NME8: variants seen among roughly 807,000 people sequenced by gnomAD.
NME8 encodes the protein NME/NM23 family member 8, also known as protein NME8.
Under a neutral mutation model 82.3 loss-of-function variants are expected in NME8, and 72 were observed. That is an observed-to-expected ratio of 0.87 (90% CI 0.72 to 1.06). NME8 has a LOEUF of 1.06. Ranked by LOEUF, NME8 falls within the 50% of genes least tolerant of loss-of-function variation. The pLI is 0.00. For synonymous variants in NME8, 267 were observed against 228.5 expected, an observed-to-expected ratio of 1.17 and a Z score of -1.52; for missense variants, 712 against 685.4, an observed-to-expected ratio of 1.04 and a Z score of -0.43.
At chr7:37,876,742 G>C (rs1201491389) in intron 11 of NME8, 90 bp from the exon 12 acceptor site, 1 of 927,784 alleles carries the variant, frequency 1.1e-6, no homozygotes. Context: ...TAAACTTCTA[G>C]TAATTTCTGA....
At chr7:37,888,576 T>G (rs1225428140) in intron 15 of NME8, 148 bp downstream of exon 15, 5 of 681,920 alleles carry the variant, frequency 7.3e-6, no homozygotes, top group Non-Finnish European at 1.3e-5. Flanking sequence ...TCATTTAGAT[T>G]CAACAATTAA....
chr7:37,851,769 C>A (rs554052231), intron 5 of NME8, among the ~76,000 whole-genome samples: 1 of 152,092 alleles, frequency 6.6e-6, no homozygotes, highest in East Asian at 1.9e-4. Context: ...ACTTAAGATA[C>A]AGGAGCAGAT....
chr7:37,892,516 TAC>T (rs898392104), intron 15 of NME8, among the ~76,000 whole-genome samples: 3 of 151,514 alleles, frequency 2.0e-5, no homozygotes, highest in African/African-American at 4.8e-5. Flanking sequence ...CACAGATATG[TAC>T]ACACACACAC....
At chr7:37,873,747 T>C (rs1370093383) in intron 11 of NME8, among the ~76,000 whole-genome samples, 1 of 152,228 alleles carries the variant, frequency 6.6e-6, no homozygotes, top group African/African-American at 2.4e-5. Flanking sequence ...ACACTACTTA[T>C]GAAAGGATAA....
intron 12 of NME8, among the ~76,000 whole-genome samples, chr7:37,877,515 CT>C (rs1037014794): frequency 6.6e-6 from 1 of 152,084 alleles, no homozygotes; most frequent in African/African-American, 2.4e-5. Context: ...ACTATTCATT[CT>C]TTTTTTATAT....
chr7:37,867,896 CA>C lies in NME8; in HGVS notation c.817del (p.Ser273ValfsTer11). ...CTGGAATGATGAAGAACAAACAAGA[CA>C]GGTATAGCTCAAGACCAGGAATTGT... is the stretch of plus-strand genomic sequence containing the variant. ...TPGMMKNKQD[S>X]LQEYLERQHL... On this transcript the variant is annotated frameshift_variant and splice_region_variant, in exon 11 of 18. Coordinates refer to ENST00000199447, the MANE Select transcript of NME8 (RefSeq NM_016616.5). LOFTEE classifies it high-confidence loss of function. The C allele has an allele frequency of 6.2e-7, 1 of 1,613,158 alleles. No homozygotes were observed. Among genetic ancestry groups the C allele is most frequent in the South Asian group, 1.1e-5 (1 of 91,038 alleles).
At chr7:37,875,811 G>A (rs1482532967) in intron 11 of NME8, among the ~76,000 whole-genome samples, 2 of 152,060 alleles carry the variant, frequency 1.3e-5, no homozygotes, top group South Asian at 2.1e-4. Context: ...AGTACCTAAG[G>A]AGGGAATTAC....
intron 11 of NME8, among the ~76,000 whole-genome samples, chr7:37,872,671 A>C (rs1390801607): frequency 6.6e-6 from 1 of 152,228 alleles, no homozygotes. Context: ...AAGTACACAC[A>C]AAAAATTAGA....
At chr7:37,882,622 A>G (rs1583640608) in intron 12 of NME8, among the ~76,000 whole-genome samples, 4 of 75,778 alleles carry the variant, frequency 5.3e-5, no homozygotes, top group African/African-American at 1.1e-4. Flanking sequence ...AGAGAAAGAA[A>G]GAAAGAAAGA....
intron 5 of NME8, among the ~76,000 whole-genome samples, chr7:37,851,435 T>G (rs1317466484): frequency 6.6e-6 from 1 of 152,196 alleles, no homozygotes; most frequent in African/African-American, 2.4e-5. Context: ...AATCTACTAC[T>G]TAACTGTAAA....
chr7:37,884,378 A>G lies in NME8; in HGVS notation c.1070A>G (p.Glu357Gly). 6.2e-7 allele frequency: 1 copy of G among 1,606,238 alleles called. No individual in the cohort carries two copies. The highest frequency in any genetic ancestry group is 1.1e-5 in the South Asian group (1 of 90,926). ...AGACAAGTAGTATTATCGGAAAAAGAAGCACAAGCACTGTGCAAGGAATAT... is the reference window on the plus strand; with the variant it reads ...AGACAAGTAGTATTATCGGAAAAAGGAGCACAAGCACTGTGCAAGGAATAT... Reference protein sequence around the residue: ...EQRQVVLSEKEAQALCKEYEN... With the variant: ...EQRQVVLSEKGAQALCKEYEN... The change falls in exon 13 of 18, where the codon GAA (glutamate) becomes GGA (glycine). Residue 357 changes from glutamate to glycine, a missense_variant. Physicochemically the swap from Glu to Gly is moderately conservative, Grantham distance 98. Transcript: ENST00000199447.
rs77937947 is a variant in NME8 at position 37,872,782 on chromosome 7, C to G, written c.819-4050C>G. Among the ~76,000 whole-genome samples the G allele has an allele frequency of 3.4e-4, 11 of 32,118 alleles. No homozygotes were observed. In the East Asian group the frequency reaches 0.014, roughly 42 times the overall value. The allele number at this position is 32,118 out of a possible 152,430, so 21.1% of individuals were successfully genotyped here. A position where few individuals can be genotyped will look rare whatever the true frequency, so the allele number is the denominator to read the frequency against. The stretch of plus-strand genomic sequence containing the variant: ...GAAAGAACAGATGGACAAACTAACT[C>G]AACAAATAATGGGGGAATTTTTTTC... On this transcript the variant is annotated intron_variant, in intron 11 of 17. Transcript: ENST00000199447.
At chr7:37,880,555 A>G (rs1784928755) in intron 12 of NME8, among the ~76,000 whole-genome samples, 1 of 152,160 alleles carries the variant, frequency 6.6e-6, no homozygotes, top group Admixed American at 6.5e-5. Flanking sequence ...CCATTAATCA[A>G]TGTGGCTAGG....
At chr7:37,851,646 A>C (rs972399413) in intron 5 of NME8, among the ~76,000 whole-genome samples, 1 of 152,134 alleles carries the variant, frequency 6.6e-6, no homozygotes, top group African/African-American at 2.4e-5. Context: ...AGTAAAATTT[A>C]TTATCACATT....
chr7:37,883,268 AT>A (rs1784991407), intron 12 of NME8, among the ~76,000 whole-genome samples: 1 of 152,184 alleles, frequency 6.6e-6, no homozygotes, highest in Non-Finnish European at 1.5e-5. Context: ...AGGTACCCTC[AT>A]TTGAGAAATC....
At chr7:37,882,967 A>C (rs1364217560) in intron 12 of NME8, among the ~76,000 whole-genome samples, 2 of 152,198 alleles carry the variant, frequency 1.3e-5, no homozygotes, top group Non-Finnish European at 2.9e-5. Context: ...CATACTCACC[A>C]ATATTTTTTC....
At chr7:37,897,366 A>G (rs1462697840) in intron 17 of NME8, among the ~76,000 whole-genome samples, 2 of 152,074 alleles carry the variant, frequency 1.3e-5, no homozygotes, top group East Asian at 3.9e-4. Flanking sequence ...TGGAGACAAC[A>G]GGGCAAGCAA....
chr7:37,854,172 G>C (rs189263645), intron 5 of NME8, among the ~76,000 whole-genome samples: 1 of 151,960 alleles, frequency 6.6e-6, no homozygotes, highest in African/African-American at 2.4e-5. Context: ...TACATATTCT[G>C]TATGTTATGT....
At chr7:37,889,381 C>A (rs1045868054) in intron 15 of NME8, among the ~76,000 whole-genome samples, 1 of 150,564 alleles carries the variant, frequency 6.6e-6, no homozygotes, top group Non-Finnish European at 1.5e-5. Context: ...GATTTTCTTT[C>A]TTCTATTTTC....
Sources: gnomAD v4.1 joint callset for allele counts (sites outside exome capture counted in the v4.1 genomes callset) on GRCh38, gnomAD v4.1.1 for gene constraint, MANE v1.5 for transcripts, NCBI Gene and HGNC (gene_info 2026-07-23, HGNC 2026-07-21) for gene names.